The following PDE1C variants were observed in gnomAD, a reference collection of about 807,000 sequenced individuals.
PDE1C encodes the protein phosphodiesterase 1C.
A neutral mutation model predicts 93.1 loss-of-function variants in PDE1C; 62 were observed. The ratio of observed to expected loss-of-function variants is 0.67; its 90% confidence interval spans 0.54 to 0.82. PDE1C has a LOEUF of 0.82. Among genes scored for constraint, PDE1C ranks in the 40% least tolerant of loss-of-function variants. The pLI is 0.00. For missense variants in PDE1C, 742 were observed against 884.6 expected (o/e 0.84, Z 2.04); for synonymous variants, 325 against 310.1 (o/e 1.05, Z -0.50).
intron 1 of PDE1C, among the ~76,000 whole-genome samples, chr7:32,399,426 G>A (rs1056242642): frequency 6.6e-6 from 1 of 152,016 alleles, no homozygotes; most frequent in South Asian, 2.1e-4. Flanking sequence ...CCATCATCAG[G>A]GTGCTAGCAT....
Position 32,203,179 on chromosome 7 carries a change from AG to A in PDE1C, c.136+6309del, listed in dbSNP as rs570295009. ...CTGAAAGCCCAGCCACCAGCCACAC[AG>A]TCCCCCACTCATGGCATTTCTCAGT... On this transcript the variant is annotated intron_variant, in intron 2 of 18. Coordinates refer to the PDE1C transcript ENST00000396193. 4.4e-3 allele frequency among the ~76,000 whole-genome samples: 667 copies of A among 150,954 alleles called. 7 individuals carry two copies. Among genetic ancestry groups the A allele is most frequent in the African/African-American group, 0.015 (636 of 41,156 alleles).
intron 2 of PDE1C, among the ~76,000 whole-genome samples, chr7:31,997,378 C>T (rs2128550313): frequency 6.6e-6 from 1 of 152,338 alleles, no homozygotes; most frequent in East Asian, 1.9e-4. Flanking sequence ...ACTCCCATCC[C>T]TCACCCCCAC....
chr7:31,964,347 C>T lies in PDE1C; in HGVS notation c.129-83487G>A, dbSNP rs557401972. 1.6e-4 allele frequency among the ~76,000 whole-genome samples: 25 copies of T among 152,276 alleles called. No individual in the cohort carries two copies. The South Asian group carries it at 5.2e-3, about 32-fold the overall frequency. ...CTTGGAGGGTCCTATGCCCACGGAGCCTCGCTCACTGCTAGCACAGCAATC... is the reference window on the plus strand; with the variant it reads ...CTTGGAGGGTCCTATGCCCACGGAGTCTCGCTCACTGCTAGCACAGCAATC... On this transcript the variant is annotated intron_variant, in intron 2 of 17. Transcript: ENST00000396191.
chr7:31,726,453 T>C, the PDE1C span, among the ~76,000 whole-genome samples: 66,470 of 151,994 alleles, frequency 0.44, 16,344 homozygotes, highest in East Asian at 0.69. Context: ...CCTCTTATAT[T>C]GGGGGCTGGC....
At chr7:31,956,738 TA>T (rs983006004) in intron 2 of PDE1C, among the ~76,000 whole-genome samples, 2 of 151,666 alleles carry the variant, frequency 1.3e-5, no homozygotes, top group African/African-American at 4.8e-5. Context: ...TTTCCAAAAA[TA>T]AAATACTCAA....
intron 1 of PDE1C, among the ~76,000 whole-genome samples, chr7:32,381,787 T>G (rs1371677565): frequency 1.3e-5 from 2 of 152,160 alleles, no homozygotes; most frequent in African/African-American, 4.8e-5. Flanking sequence ...TTTGTTTGCA[T>G]GTTTGTTTAT....
intron 1 of PDE1C, among the ~76,000 whole-genome samples, chr7:32,248,562 G>T (rs1809134310): frequency 6.6e-6 from 1 of 152,204 alleles, no homozygotes; most frequent in Admixed American, 6.5e-5. Flanking sequence ...AGCTAGGGGT[G>T]ACCAAGGGGG....
intron 16 of PDE1C, among the ~76,000 whole-genome samples, chr7:31,794,061 C>CAGATAGAT (rs1562807734): frequency 2.2e-5 from 3 of 136,984 alleles, no homozygotes; most frequent in Non-Finnish European, 3.2e-5. Context: ...GACAGACAGA[C>CAGATAGAT]AGACAGACAG....
At chr7:32,406,871 G>A (rs1785062585) in intron 1 of PDE1C, among the ~76,000 whole-genome samples, 1 of 152,164 alleles carries the variant, frequency 6.6e-6, no homozygotes, top group Admixed American at 6.5e-5. Flanking sequence ...ACAGCGTCCT[G>A]GTGAGACTCA....
chr7:32,396,840 A>T (rs1466700961), intron 1 of PDE1C, among the ~76,000 whole-genome samples: 1 of 152,246 alleles, frequency 6.6e-6, no homozygotes, highest in Non-Finnish European at 1.5e-5. Flanking sequence ...ACACATGGAA[A>T]TCTAATATTT....
intron 2 of PDE1C, among the ~76,000 whole-genome samples, chr7:31,895,579 T>TC (rs1491018190): frequency 2.2e-4 from 15 of 67,662 alleles, no homozygotes; most frequent in South Asian, 7.9e-4. Flanking sequence ...GTTTCTCTCT[T>TC]TTCTCTCTCT....
chr7:31,884,997 A>G (rs1343683070), intron 2 of PDE1C, among the ~76,000 whole-genome samples: 2 of 152,170 alleles, frequency 1.3e-5, no homozygotes, highest in African/African-American at 4.8e-5. Context: ...TTGTTTTCCT[A>G]GTAAAGTTGT....
At chr7:32,252,002 T>A (rs567064658) in intron 1 of PDE1C, among the ~76,000 whole-genome samples, 1 of 152,254 alleles carries the variant, frequency 6.6e-6, no homozygotes, top group Non-Finnish European at 1.5e-5. Context: ...ACCCTGAATA[T>A]CTCCAGGGAG....
intron 3 of PDE1C, among the ~76,000 whole-genome samples, chr7:32,145,595 T>C (rs569854949): frequency 3.3e-5 from 5 of 152,340 alleles, no homozygotes; most frequent in Non-Finnish European, 7.4e-5. Context: ...GATGTGATTA[T>C]TCATGATTCT....
the PDE1C span, among the ~76,000 whole-genome samples, chr7:31,626,649 C>T: frequency 3.9e-4 from 60 of 152,256 alleles, no homozygotes; most frequent in Non-Finnish European, 1.6e-4. Flanking sequence ...TGACACCATG[C>T]TGTAAAGGAG....
At chr7:32,207,383 G>T (rs1277664120) in intron 2 of PDE1C, among the ~76,000 whole-genome samples, 3 of 150,502 alleles carry the variant, frequency 2.0e-5, no homozygotes, top group Non-Finnish European at 4.4e-5. Context: ...CTTATCATCC[G>T]AATCCTCCCA....
chr7:32,276,315 G>A (rs754490576), intron 1 of PDE1C, among the ~76,000 whole-genome samples: 1 of 152,172 alleles, frequency 6.6e-6, no homozygotes, highest in Non-Finnish European at 1.5e-5. Flanking sequence ...GGATTTGAAT[G>A]AGTGTGCATT....
intron 2 of PDE1C, among the ~76,000 whole-genome samples, chr7:31,981,763 G>C (rs1369629587): frequency 1.3e-5 from 2 of 152,090 alleles, no homozygotes; most frequent in East Asian, 3.9e-4. Flanking sequence ...ACATGAAAGA[G>C]GAAATAACAG....
chr7:31,713,551 CA>C, the PDE1C span, among the ~76,000 whole-genome samples: 1 of 152,228 alleles, frequency 6.6e-6, no homozygotes, highest in Non-Finnish European at 1.5e-5. Flanking sequence ...CTAGGTGGTA[CA>C]CCAGTAGGGA....
Sources: gnomAD v4.1 joint callset for allele counts (sites outside exome capture counted in the v4.1 genomes callset) on GRCh38, gnomAD v4.1.1 for gene constraint, MANE v1.5 for transcripts, NCBI Gene and HGNC (gene_info 2026-07-23, HGNC 2026-07-21) for gene names.